ZNF157: variants seen among roughly 807,000 people sequenced by gnomAD.
The protein encoded by ZNF157 is zinc finger protein 22.
Under a neutral mutation model 9.4 loss-of-function variants are expected in ZNF157, and 8 were observed. The observed-to-expected ratio is 0.85, with a 90% CI of 0.50 to 1.53. The LOEUF is 1.53. Ranked by LOEUF, ZNF157 falls within the 40% of genes most tolerant of loss-of-function variation. The probability of loss-of-function intolerance (pLI) is 0.00; values close to 1 mark genes in which losing one functional copy is unlikely to be tolerated. For missense variants in ZNF157, 316 were observed against 385.2 expected, an observed-to-expected ratio of 0.82 and a Z score of 1.50; for synonymous variants, 120 against 130.8, an observed-to-expected ratio of 0.92 and a Z score of 0.56.
At chrX:47,386,816 G>A (rs774444539) in intron 1 of ZNF157, among the ~76,000 whole-genome samples, 42 of 110,987 alleles carry the variant, frequency 3.8e-4, no homozygotes, top group Non-Finnish European at 7.0e-4. Flanking sequence ...TGTTTCCTGT[G>A]TATTTTAGGA....
intron 1 of ZNF157, among the ~76,000 whole-genome samples, chrX:47,402,121 G>A (rs2055932173): frequency 9.0e-6 from 1 of 111,604 alleles, no homozygotes; most frequent in Non-Finnish European, 1.9e-5. Flanking sequence ...TGCTTTGGCT[G>A]TTCGAGGCCC....
rs771461980 is a variant in ZNF157, at chrX:47,413,617, A to G, written c.*23A>G. 8.6e-7 allele frequency: 1 copy of G among 1,166,540 alleles called. No individual in the cohort carries two copies. Among genetic ancestry groups the G allele is most frequent in the Non-Finnish European group, 1.1e-6 (1 of 874,265 alleles). ...TGAAGACTTCCCTCACCATTGGATC[A>G]AGCTCCTTGGGGGCATATGATCACC... On this transcript the variant is annotated 3_prime_UTR_variant, in exon 4 of 4. Coordinates refer to ENST00000377073, the MANE Select transcript of ZNF157 (RefSeq NM_003446.4).
intron 1 of ZNF157, among the ~76,000 whole-genome samples, chrX:47,402,073 T>C (rs2055932017): frequency 9.0e-6 from 1 of 111,699 alleles, no homozygotes; most frequent in Admixed American, 9.6e-5. Context: ...TGAAATTAGG[T>C]ATATAAATCC....
chrX:47,382,281 A>ATTTTTTTT (rs2055865692), intron 1 of ZNF157, among the ~76,000 whole-genome samples: 1 of 61,949 alleles, frequency 1.6e-5, no homozygotes, highest in African/African-American at 7.3e-5. Context: ...ATTCAACAGA[A>ATTTTTTTT]CTTTTTTTTT....
At chrX:47,373,198 T>TA (rs202105536) in intron 1 of ZNF157, among the ~76,000 whole-genome samples, 3 of 108,132 alleles carry the variant, frequency 2.8e-5, no homozygotes, top group Admixed American at 1.0e-4. Context: ...GACTCTGTCT[T>TA]AAAAAAAAAT....
At chrX:47,391,759 A>G (rs1438741866) in intron 1 of ZNF157, among the ~76,000 whole-genome samples, 1 of 111,984 alleles carries the variant, frequency 8.9e-6, no homozygotes, top group African/African-American at 3.2e-5. Context: ...CGTGTTGGCC[A>G]GGCTGGTCTT....
At chrX:47,378,642 C>T (rs749033294) in intron 1 of ZNF157, among the ~76,000 whole-genome samples, 2 of 111,632 alleles carry the variant, frequency 1.8e-5, no homozygotes, top group Non-Finnish European at 3.8e-5. Flanking sequence ...AGTTTGAGAC[C>T]AGCCTGGCCA....
Position 47,413,419 on chromosome X carries a change from A to G in ZNF157, c.1346A>G (p.Asn449Ser). Residue 449 changes from asparagine to serine, a missense_variant, in exon 4 of 4, where the codon AAT (asparagine) becomes AGT (serine). By Grantham distance (46) the Asn-to-Ser change is conservative (BLOSUM62 1). Transcript: ENST00000377073. ...EKPYECSECGNAFYVKVRLIE... is the reference protein window; with the variant it reads ...EKPYECSECGSAFYVKVRLIE... ...CCTTATGAATGTAGTGAATGTGGAA[A>G]TGCCTTCTATGTGAAAGTACGCCTC... 1 of 1,212,011 alleles carries G rather than the reference A, an allele frequency of 8.3e-7. No homozygotes were observed. Among genetic ancestry groups the G allele is most frequent in the South Asian group, 1.8e-5 (1 of 56,969 alleles).
chrX:47,392,540 A>T (rs746503191), intron 1 of ZNF157, among the ~76,000 whole-genome samples: 2 of 111,850 alleles, frequency 1.8e-5, no homozygotes, highest in South Asian at 3.7e-4. Context: ...GGATGTGGAT[A>T]CATCTTTTGG....
intron 3 of ZNF157, 26 bp downstream of exon 3, chrX:47,410,801 T>C (rs764056620): frequency 8.8e-7 from 1 of 1,130,928 alleles, no homozygotes; most frequent in South Asian, 1.9e-5. Context: ...GAACTGGACA[T>C]ATGGAAAATA....
chrX:47,393,229 C>T (rs1451234765), intron 1 of ZNF157, among the ~76,000 whole-genome samples: 1 of 111,733 alleles, frequency 8.9e-6, no homozygotes, highest in South Asian at 3.7e-4. Flanking sequence ...TGCGGTTCTG[C>T]CCTTGGAGTC....
chrX:47,385,128 A>G (rs1373772125), intron 1 of ZNF157, among the ~76,000 whole-genome samples: 1 of 111,988 alleles, frequency 8.9e-6, no homozygotes, highest in Non-Finnish European at 1.9e-5. Context: ...GGCGTCCATT[A>G]TAGCAAAAGG....
intron 1 of ZNF157, among the ~76,000 whole-genome samples, chrX:47,406,212 G>T (rs892308675): frequency 3.6e-5 from 4 of 110,490 alleles, no homozygotes; most frequent in Non-Finnish European, 5.7e-5. Context: ...TTATAGGTGT[G>T]AGCCACCACA....
intron 1 of ZNF157, among the ~76,000 whole-genome samples, chrX:47,398,655 A>C (rs771953057): frequency 1.9e-4 from 20 of 103,774 alleles, no homozygotes; most frequent in Non-Finnish European, 3.4e-4. Context: ...TTACAGGCTC[A>C]TGCCACCACA....
chrX:47,399,790 C>T (rs911572469), intron 1 of ZNF157, among the ~76,000 whole-genome samples: 1 of 110,844 alleles, frequency 9.0e-6, no homozygotes, highest in Admixed American at 9.7e-5. Flanking sequence ...AGCAATCCTC[C>T]CACTTCAGCC....
rs139878073 is a variant in ZNF157 at position 47,385,868 on chromosome X, A to G, written c.72+15128A>G. Among the ~76,000 whole-genome samples, 454 of 110,599 alleles carry G rather than the reference A, an allele frequency of 4.1e-3. 2 individuals are homozygous for G. The highest frequency in any genetic ancestry group is 0.014 in the African/African-American group (418 of 30,450). ...CAGGTGTGAGCCACTGCACCCGGCC[A>G]TGATTCCACGTATGAATTCACCCAA... On this transcript the variant is annotated intron_variant, in intron 1 of 3. Transcript: ENST00000377073.
intron 1 of ZNF157, among the ~76,000 whole-genome samples, chrX:47,394,041 C>T (rs1382052492): frequency 9.2e-6 from 1 of 108,212 alleles, no homozygotes; most frequent in Admixed American, 1.0e-4. Context: ...CAGCTCACTG[C>T]AAGCTCTGCC....
In ZNF157 at chrX:47,413,030, G is replaced by T; in HGVS notation, c.957G>T (p.Gln319His). Residue 319 changes from glutamine (Q) to histidine (H), a missense_variant, in exon 4 of 4, where the codon CAG becomes CAT. This residue lies in a region of ZNF157 where 167 missense variants were observed against 183.6 expected (regional missense o/e 0.91). Coordinates refer to ENST00000377073, the MANE Select transcript of ZNF157 (RefSeq NM_003446.4). ...KNFRAKKSLN[Q>H]HQRIHTGEKP... is the part of the protein sequence containing the mutation. ...TCCGTGCAAAGAAATCCCTAAATCA[G>T]CATCAAAGAATTCACACAGGTGAGA... 1 of 1,210,033 alleles carries T rather than the reference G, an allele frequency of 8.3e-7. No homozygotes were observed. The highest frequency in any genetic ancestry group is 1.1e-6 in the Non-Finnish European group (1 of 894,632).
chrX:47,397,616 T>C (rs2055917715), intron 1 of ZNF157, among the ~76,000 whole-genome samples: 2 of 111,002 alleles, frequency 1.8e-5, no homozygotes, highest in Admixed American at 1.9e-4. Context: ...AGTTTCACCA[T>C]GTTGGCCAGG....
Sources: allele counts gnomAD v4.1 joint callset (sites outside exome capture counted in the v4.1 genomes callset), GRCh38; gene constraint gnomAD v4.1.1; regional missense constraint gnomAD v4.1.1; transcripts MANE v1.5; gene names NCBI Gene and HGNC (gene_info 2026-07-23, HGNC 2026-07-21).